CTNNA3: variants seen among roughly 807,000 people sequenced by gnomAD.
CTNNA3 encodes catenin alpha 3.
A neutral mutation model predicts 95.7 loss-of-function variants in CTNNA3; 76 were observed. The ratio of observed to expected loss-of-function variants is 0.79; its 90% CI spans 0.66 to 0.96. The LOEUF (loss-of-function observed/expected upper bound fraction) is 0.96, where lower values mean the gene tolerates loss of function less well. CTNNA3 is among the 40% of genes least tolerant of loss of function. The pLI is 0.00. For missense variants in CTNNA3, 1,191 were observed against 1,089.8 expected (o/e 1.09, Z -1.31); for synonymous variants, 431 against 374.4 (o/e 1.15, Z -1.74).
intron 5 of CTNNA3, among the ~76,000 whole-genome samples, chr10:67,326,556 A>G (rs956544225): frequency 2.0e-5 from 3 of 152,126 alleles, no homozygotes; most frequent in East Asian, 1.9e-4. Context: ...TTGGCCCCCA[A>G]TTTCCTCTGG....
intron 10 of CTNNA3, among the ~76,000 whole-genome samples, chr10:66,528,090 C>T (rs910613976): frequency 6.6e-6 from 1 of 152,102 alleles, no homozygotes; most frequent in African/African-American, 2.4e-5. Context: ...ATTCCAAGGA[C>T]ATTCCCTGCC....
intron 7 of CTNNA3, among the ~76,000 whole-genome samples, chr10:67,064,940 A>G (rs1855981690): frequency 6.6e-6 from 1 of 152,198 alleles, no homozygotes; most frequent in African/African-American, 2.4e-5. Context: ...CTTTCAATAA[A>G]GAAAATGCAT....
intron 17 of CTNNA3, among the ~76,000 whole-genome samples, chr10:65,937,872 G>T (rs901238346): frequency 6.6e-6 from 1 of 151,982 alleles, no homozygotes; most frequent in African/African-American, 2.4e-5. Flanking sequence ...TTTGCAAGCA[G>T]GTTTGGCATG....
intron 12 of CTNNA3, among the ~76,000 whole-genome samples, chr10:66,305,609 T>C (rs1009772150): frequency 6.6e-6 from 1 of 152,210 alleles, no homozygotes; most frequent in African/African-American, 2.4e-5. Flanking sequence ...GGTGCTTTCA[T>C]GGTGAAGTCT....
intron 1 of CTNNA3, among the ~76,000 whole-genome samples, chr10:67,724,952 T>C (rs1431346526): frequency 3.9e-5 from 6 of 152,088 alleles, no homozygotes; most frequent in Non-Finnish European, 7.4e-5. Flanking sequence ...TAAACCTTAC[T>C]TCCTATTACA....
At chr10:67,433,733 A>G (rs972449201) in intron 5 of CTNNA3, among the ~76,000 whole-genome samples, 4 of 152,110 alleles carry the variant, frequency 2.6e-5, no homozygotes, top group African/African-American at 9.7e-5. Context: ...GAATGAATAA[A>G]TGAACAAGTG....
At chr10:66,482,424 T>C (rs910422019) in intron 11 of CTNNA3, among the ~76,000 whole-genome samples, 1 of 151,974 alleles carries the variant, frequency 6.6e-6, no homozygotes, top group Non-Finnish European at 1.5e-5. Flanking sequence ...CATGACACTA[T>C]CCCTCCACAG....
At chr10:66,478,574 T>C (rs1417391584) in intron 11 of CTNNA3, among the ~76,000 whole-genome samples, 4 of 151,920 alleles carry the variant, frequency 2.6e-5, no homozygotes, top group Admixed American at 6.6e-5. Flanking sequence ...TGAAAAAATA[T>C]AGCTAATTTT....
intron 12 of CTNNA3, among the ~76,000 whole-genome samples, chr10:66,288,144 G>C (rs1206231744): frequency 6.6e-6 from 1 of 151,978 alleles, no homozygotes; most frequent in African/African-American, 2.4e-5. Flanking sequence ...TATTATTTTT[G>C]TGCAAGAATG....
chr10:66,317,974 T>C (rs1446805149), intron 12 of CTNNA3, among the ~76,000 whole-genome samples: 1 of 152,078 alleles, frequency 6.6e-6, no homozygotes, highest in Non-Finnish European at 1.5e-5. Flanking sequence ...AGCAACTATA[T>C]GGACAAAAGA....
At chr10:66,699,413 T>A (rs1039139171) in intron 9 of CTNNA3, among the ~76,000 whole-genome samples, 10 of 152,260 alleles carry the variant, frequency 6.6e-5, no homozygotes, top group South Asian at 2.1e-4. Flanking sequence ...TCTTTTTTTT[T>A]AAATAACAGC....
chr10:66,597,544 ATATATATATATT>A (rs1843760185), intron 10 of CTNNA3, among the ~76,000 whole-genome samples: 2 of 133,782 alleles, frequency 1.5e-5, no homozygotes, highest in African/African-American at 2.8e-5. Flanking sequence ...ATATATATAT[ATATATATATATT>A]TATTAAAAAT....
At chr10:66,252,338 T>G (rs1169014813) in intron 13 of CTNNA3, among the ~76,000 whole-genome samples, 1 of 152,242 alleles carries the variant, frequency 6.6e-6, no homozygotes, top group Non-Finnish European at 1.5e-5. Flanking sequence ...AGTCAATTTC[T>G]AATTAAAATA....
chr10:66,012,182 A>C (rs867586226), intron 15 of CTNNA3, among the ~76,000 whole-genome samples: 3 of 152,218 alleles, frequency 2.0e-5, no homozygotes, highest in Non-Finnish European at 2.9e-5. Context: ...TCAAATAGGG[A>C]AAAGAGTAAA....
intron 13 of CTNNA3, among the ~76,000 whole-genome samples, chr10:66,144,468 C>A (rs2083773414): frequency 6.6e-6 from 1 of 151,572 alleles, no homozygotes; most frequent in African/African-American, 2.4e-5. Context: ...ATGGTGTTGG[C>A]TGGTTAATTT....
chr10:66,392,925 G>T (rs142486577), intron 11 of CTNNA3, among the ~76,000 whole-genome samples: 1 of 151,906 alleles, frequency 6.6e-6, no homozygotes, highest in Non-Finnish European at 1.5e-5. Context: ...TAAAACTTAC[G>T]TTCACACAAA....
rs1327454190 is a variant in CTNNA3, at chr10:66,875,307, TAAACC to T, written c.1048-99788_1048-99784del. ...GTCCCAAAAGGCTACAGCTGAAAAA[TAAACC>T]TGGGTCCTATTCATGGATTCTCATC... On this transcript the variant is annotated intron_variant, in intron 7 of 17. Coordinates refer to ENST00000433211, the MANE Select transcript of CTNNA3 (RefSeq NM_013266.4). Among the ~76,000 whole-genome samples the T allele has an allele frequency of 5.3e-5, 8 of 151,564 alleles. No homozygotes were observed. The South Asian group carries it at 1.7e-3, about 32-fold the overall frequency.
intron 11 of CTNNA3, among the ~76,000 whole-genome samples, chr10:66,501,591 C>CA (rs575545732): frequency 2.0e-5 from 3 of 152,248 alleles, no homozygotes; most frequent in African/African-American, 7.2e-5. Flanking sequence ...GTTCACTGGG[C>CA]ACTTGGCTTC....
At chr10:67,161,319 T>C (rs1484625632) in intron 7 of CTNNA3, among the ~76,000 whole-genome samples, 1 of 151,908 alleles carries the variant, frequency 6.6e-6, no homozygotes, top group Non-Finnish European at 1.5e-5. Context: ...TTATGTTTGA[T>C]AGTTGAAGCA....
Sources: allele counts gnomAD v4.1 joint callset (sites outside exome capture counted in the v4.1 genomes callset), GRCh38; gene constraint gnomAD v4.1.1; transcripts MANE v1.5; gene names NCBI Gene and HGNC (gene_info 2026-07-23, HGNC 2026-07-21).